ZNF407: variants seen among roughly 807,000 people sequenced by gnomAD.
ZNF407 encodes zinc finger protein 407.
In ZNF407, 17 loss-of-function variants were observed where a neutral mutation model predicts 131.2. The observed-to-expected ratio is 0.13, with a 90% CI of 0.09 to 0.19. The LOEUF (loss-of-function observed/expected upper bound fraction) is 0.19, where lower values mean the gene tolerates loss of function less well. ZNF407 is among the 10% of genes least tolerant of loss of function. The pLI, the probability that ZNF407 is intolerant of heterozygous loss-of-function variation, is 1.00. For missense variants in ZNF407, 2,681 were observed against 2,830.6 expected, an observed-to-expected ratio of 0.95 and a Z score of 1.20; for synonymous variants, 1,156 against 1,062.0, an observed-to-expected ratio of 1.09 and a Z score of -1.72.
intron 3 of ZNF407, among the ~76,000 whole-genome samples, chr18:74,740,956 T>C (rs560752413): frequency 6.6e-6 from 1 of 152,310 alleles, no homozygotes; most frequent in African/African-American, 2.4e-5. Flanking sequence ...ACCAGTTTTA[T>C]AGTTGTCTCT....
At chr18:74,733,248 T>A (rs1052355626) in intron 3 of ZNF407, among the ~76,000 whole-genome samples, 5 of 152,220 alleles carry the variant, frequency 3.3e-5, no homozygotes, top group Non-Finnish European at 7.4e-5. Flanking sequence ...AATTGTAAAT[T>A]ACAGTATGTA....
intron 2 of ZNF407, among the ~76,000 whole-genome samples, chr18:74,639,378 AT>A (rs1984605932): frequency 6.6e-6 from 1 of 152,150 alleles, no homozygotes; most frequent in Non-Finnish European, 1.5e-5. Flanking sequence ...TAATTACCCT[AT>A]TATCTTTGGA....
intron 3 of ZNF407, among the ~76,000 whole-genome samples, chr18:74,691,767 G>C (rs1029487435): frequency 5.3e-5 from 8 of 151,894 alleles, no homozygotes; most frequent in African/African-American, 1.9e-4. Context: ...ATTTTTTATT[G>C]AATCATCTGA....
intron 3 of ZNF407, among the ~76,000 whole-genome samples, chr18:74,700,118 A>G (rs1000643556): frequency 6.6e-5 from 10 of 152,224 alleles, no homozygotes; most frequent in Non-Finnish European, 8.8e-5. Flanking sequence ...ATAGTAAACT[A>G]TGTTTCGTTG....
intron 8 of ZNF407, 150 bp downstream of exon 8, chr18:74,920,842 C>A: frequency 7.8e-7 from 1 of 1,288,006 alleles, no homozygotes; most frequent in Non-Finnish European, 9.9e-7. Flanking sequence ...AAGTACATTC[C>A]AGTTTGATCC....
chr18:74,878,665 C>T (rs1424517674), intron 5 of ZNF407, among the ~76,000 whole-genome samples: 1 of 151,932 alleles, frequency 6.6e-6, no homozygotes, highest in Non-Finnish European at 1.5e-5. Context: ...GATTAGTTTC[C>T]GTGTCTTTCT....
chr18:75,011,852 T>G (rs566650952), intron 8 of ZNF407, among the ~76,000 whole-genome samples: 138 of 152,296 alleles, frequency 9.1e-4, no homozygotes, highest in Non-Finnish European at 1.4e-3. Flanking sequence ...AGAAATATAA[T>G]TTGTTGAAAG....
Position 74,631,888 on chromosome 18 carries a change from C to T in ZNF407, c.869C>T (p.Pro290Leu). 6.2e-7 allele frequency: 1 copy of T among 1,613,682 alleles called. No homozygotes were observed. The highest frequency in any genetic ancestry group is 8.5e-7 in the Non-Finnish European group (1 of 1,179,844). The change falls in exon 2 of 9, where the codon CCT (proline) becomes CTT (leucine). Residue 290 changes from proline (P) to leucine (L), a missense_variant. Physicochemically the swap from Pro to Leu is moderately conservative, Grantham distance 98 (BLOSUM62 -3). This residue lies in a region of ZNF407 where 1,789 missense variants were observed against 1,748.7 expected (regional missense o/e 1.02). Coordinates refer to ENST00000299687, the MANE Select transcript of ZNF407 (RefSeq NM_017757.3). ...CAGATCTTAACAAAACAACCTTTTC[C>T]TAAAAAATCACGTACAATGGCAACA... is the stretch of plus-strand genomic sequence containing the variant. Reference protein sequence around the residue: ...FVQILTKQPFPKKSRTMATKN... With the variant: ...FVQILTKQPFLKKSRTMATKN...
chr18:74,857,645 T>C (rs1970877475), intron 4 of ZNF407, among the ~76,000 whole-genome samples: 1 of 152,214 alleles, frequency 6.6e-6, no homozygotes, highest in Admixed American at 6.5e-5. Context: ...AAAATACTTG[T>C]AAGAAGGTGA....
chr18:74,919,745 C>T (rs1971821202), intron 7 of ZNF407, among the ~76,000 whole-genome samples: 2 of 152,182 alleles, frequency 1.3e-5, no homozygotes, highest in South Asian at 4.1e-4. Context: ...GTCTGTGTTG[C>T]AAAGGATCTG....
chr18:74,877,244 C>T lies in ZNF407; in HGVS notation c.4925C>T (p.Ala1642Val). Residue 1642 changes from alanine to valine, a missense_variant, in exon 5 of 9, where the codon GCC becomes GTC. Coordinates refer to ENST00000299687, the MANE Select transcript of ZNF407 (RefSeq NM_017757.3). Reference sequence around the variant, plus strand: ...GATAGAAGTTTCACAGAGAAGTGGGCCCTGAACAACCACATGAAACTCCAC... The same window carrying T: ...GATAGAAGTTTCACAGAGAAGTGGGTCCTGAACAACCACATGAAACTCCAC... ...LCDRSFTEKW[A>V]LNNHMKLHTG... 1 of 1,613,930 alleles carries T rather than the reference C, an allele frequency of 6.2e-7. No individual in the cohort carries two copies. The highest frequency in any genetic ancestry group is 8.5e-7 in the Non-Finnish European group (1 of 1,179,824).
intron 3 of ZNF407, among the ~76,000 whole-genome samples, chr18:74,756,434 G>A (rs1264536438): frequency 1.3e-5 from 2 of 152,148 alleles, no homozygotes; most frequent in African/African-American, 2.4e-5. Context: ...AGTATATTGT[G>A]TTCCAATGCA....
rs182883625 is a variant in ZNF407 at position 74,806,353 on chromosome 18, G to C, written c.4877+24851G>C. Among the ~76,000 whole-genome samples the C allele has an allele frequency of 2.6e-3, 402 of 152,358 alleles. 4 individuals carry two copies. The highest frequency in any genetic ancestry group is 9.1e-3 in the African/African-American group (380 of 41,588). The stretch of plus-strand genomic sequence containing the variant: ...GCACAGTGTGATATGTTGGGAAGTT[G>C]ATTCACCTGTCAACCTGGTTGTAAT... On this transcript the variant is annotated intron_variant, in intron 4 of 8. Coordinates refer to ENST00000299687, the MANE Select transcript of ZNF407 (RefSeq NM_017757.3).
rs1018478277 is a variant in ZNF407, at chr18:75,065,524, A to T, written c.*1056A>T. 6.6e-6 allele frequency: 1 copy of T among 152,244 alleles called. No homozygotes were observed. The highest frequency in any genetic ancestry group is 1.5e-5 in the Non-Finnish European group (1 of 68,046). The allele number at this position is 152,244 out of a possible 1,614,324, so 9.4% of individuals were successfully genotyped here. On this transcript the variant is annotated 3_prime_UTR_variant, in exon 9 of 9. Transcript: ENST00000299687. The stretch of plus-strand genomic sequence containing the variant: ...CTCGTGGATTCACTGCAGCTGTCGG[A>T]TGCGAGTTTCTGTCATAATCATTTG...
At chr18:74,847,755 G>T (rs1970721480) in intron 4 of ZNF407, among the ~76,000 whole-genome samples, 1 of 151,648 alleles carries the variant, frequency 6.6e-6, no homozygotes, top group Non-Finnish European at 1.5e-5. Flanking sequence ...GTTATCTGAA[G>T]TATCTTCCCA....
chr18:74,666,810 A>G (rs967691829), intron 3 of ZNF407, among the ~76,000 whole-genome samples: 2 of 152,190 alleles, frequency 1.3e-5, no homozygotes. Flanking sequence ...TGAATTACAT[A>G]TCATAAATCT....
At position 74,635,784 on chromosome 18, in the gene ZNF407, T is replaced by TGTAG; in HGVS notation, c.4687+79_4687+80insTAGG. On this transcript the variant is annotated intron_variant, in intron 2 of 8. Transcript: ENST00000299687. This position sits in a 1 kb window ranked among gnomAD's most constrained non-coding sequence, Gnocchi z 4.7. ...CCATCCAGATATGCAGCCCTACCTG[T>TGTAG]GGCTGCTCATTGGCTTTCCACCCGG... is the stretch of plus-strand genomic sequence containing the variant. 1 of 1,505,348 alleles carries TGTAG rather than the reference T, an allele frequency of 6.6e-7. No individual in the cohort carries two copies. Among genetic ancestry groups the TGTAG allele is most frequent in the Non-Finnish European group, 8.9e-7 (1 of 1,127,402 alleles). 93.2% of individuals were successfully genotyped at this position (1,505,348 alleles called of 1,614,324 possible).
chr18:74,653,843 T>G (rs1198046634), intron 3 of ZNF407, among the ~76,000 whole-genome samples: 1 of 151,846 alleles, frequency 6.6e-6, no homozygotes, highest in Non-Finnish European at 1.5e-5. Flanking sequence ...AATAAAATGA[T>G]GATTTTAGCT....
At chr18:74,808,631 T>C (rs991635669) in intron 4 of ZNF407, among the ~76,000 whole-genome samples, 2 of 152,214 alleles carry the variant, frequency 1.3e-5, no homozygotes, top group Admixed American at 6.5e-5. Flanking sequence ...AATAGAGTTC[T>C]AATGATTATT....
Sources: allele counts gnomAD v4.1 joint callset (sites outside exome capture counted in the v4.1 genomes callset), GRCh38; gene constraint gnomAD v4.1.1; regional missense constraint gnomAD v4.1.1; non-coding constraint Gnocchi (gnomAD v3.1); transcripts MANE v1.5; gene names NCBI Gene and HGNC (gene_info 2026-07-23, HGNC 2026-07-21).